STRA8: variants seen among roughly 807,000 people sequenced by gnomAD.
STRA8 encodes stimulated by retinoic acid 8, also known as stimulated by retinoic acid gene 8 protein homolog.
STRA8 carries 18 observed loss-of-function variants against 37.1 expected under a neutral mutation model. The observed-to-expected ratio is 0.48, with a 90% confidence interval of 0.34 to 0.72. The LOEUF is 0.72. Among genes scored for constraint, STRA8 ranks in the 30% least tolerant of loss-of-function variants. The pLI is 0.01. For missense variants in STRA8, 357 were observed against 410.4 expected (o/e 0.87, Z 1.13); for synonymous variants, 168 against 162.9 (o/e 1.03, Z -0.24).
chr7:135,250,408 G>T (rs147305542), intron 6 of STRA8, among the ~76,000 whole-genome samples: 129 of 152,310 alleles, frequency 8.5e-4, no homozygotes, highest in Non-Finnish European at 1.3e-3. Context: ...GGACACTGAA[G>T]CACAGGTCTT....
At position 135,245,414 on chromosome 7, in the gene STRA8, AGAAGAGGAGGAGGAGGAAGAGGAG is replaced by A. The variant is rs1381542483; in HGVS notation, c.489_512del (p.Glu171_Glu178del). On this transcript the variant is annotated inframe_deletion, in exon 5 of 9. Transcript: ENST00000662584. ...ATCAAGAAGAAGAGGAGGAGGAAGA[AGAAGAGGAGGAGGAGGAAGAGGAG>A]GAAGAGGAAGAGGAGGAGGAGGAAG... 6 of 690,050 alleles carry A rather than the reference AGAAGAGGAGGAGGAGGAAGAGGAG, an allele frequency of 8.7e-6. No homozygotes were observed. The highest frequency in any genetic ancestry group is 1.6e-5 in the Non-Finnish European group (6 of 376,110). The allele number at this position is 690,050 out of a possible 1,614,324, so 42.7% of individuals were successfully genotyped here. A position where few individuals can be genotyped will look rare whatever the true frequency, so the allele number is the denominator to read the frequency against.
At chr7:135,248,956 A>G (rs1832602786) in intron 6 of STRA8, among the ~76,000 whole-genome samples, 2 of 152,208 alleles carry the variant, frequency 1.3e-5, no homozygotes, top group South Asian at 4.1e-4. Context: ...GTTCTGTTCC[A>G]TGATGGCTCA....
chr7:135,246,473 C>A lies in STRA8; in HGVS notation c.650C>A (p.Thr217Asn), dbSNP rs1020198193. Residue 217 changes from threonine (T) to asparagine (N), a missense_variant, in exon 6 of 9, where the codon ACC becomes AAC. Coordinates refer to ENST00000662584, the MANE Select transcript of STRA8 (RefSeq NM_001394401.1). This position sits in a 1 kb window ranked among gnomAD's most constrained non-coding sequence, Gnocchi z 5.4. ...MDLLTGSGII[T>N]PQEAALPIVS... ...CTTCTGACTGGCAGCGGGATCATTA[C>A]CCCGCAGGAGGCGGCGCTGCCCATC... The A allele has an allele frequency of 6.3e-7, 1 of 1,594,600 alleles. No homozygotes were observed. The highest frequency in any genetic ancestry group is 8.5e-7 in the Non-Finnish European group (1 of 1,169,924).
chr7:135,240,116 T>C (rs1832438276), intron 1 of STRA8, among the ~76,000 whole-genome samples: 1 of 152,166 alleles, frequency 6.6e-6, no homozygotes, highest in Non-Finnish European at 1.5e-5. Context: ...TGGCCACGCG[T>C]AAAATTAACC....
upstream of STRA8, chr7:135,232,121 G>T: frequency 7.7e-7 from 1 of 1,297,810 alleles, no homozygotes; most frequent in South Asian, 1.2e-5. Context: ...GCAGTGGTTG[G>T]GGCGGGAGGT....
chr7:135,248,453 C>T (rs1383874919), intron 6 of STRA8, among the ~76,000 whole-genome samples: 1 of 152,114 alleles, frequency 6.6e-6, no homozygotes, highest in Non-Finnish European at 1.5e-5. Flanking sequence ...CCTGTAATCC[C>T]AGCACTTGGG....
intron 1 of STRA8, among the ~76,000 whole-genome samples, chr7:135,235,210 A>G (rs1832353091): frequency 6.6e-6 from 1 of 152,168 alleles, no homozygotes; most frequent in Non-Finnish European, 1.5e-5. Flanking sequence ...TGTTAGAGCT[A>G]TGGCCATTCT....
chr7:135,232,487 T>A (rs1832308135), upstream of STRA8, among the ~76,000 whole-genome samples: 1 of 151,758 alleles, frequency 6.6e-6, no homozygotes, highest in South Asian at 2.1e-4. Context: ...TACAAAAAAA[T>A]TAAAAATTAG....
chr7:135,234,094 G>C (rs6950831), intron 1 of STRA8, among the ~76,000 whole-genome samples, 191 bp downstream of exon 1: 1 of 147,762 alleles, frequency 6.8e-6, no homozygotes, highest in East Asian at 2.0e-4. Context: ...TGATGATGAT[G>C]ATGATGATGA....
rs772204864 is a variant in STRA8, at chr7:135,242,778, C to G, written c.193-3C>G. The stretch of plus-strand genomic sequence containing the variant: ...TTTCAGCATTGTCTCTGTCTATCCT[C>G]AGTGGCAGGTTCTGAATAAGGCAAA... On this transcript the variant is annotated splice_region_variant and splice_polypyrimidine_tract_variant and intron_variant, in intron 2 of 8. Coordinates refer to ENST00000662584, the MANE Select transcript of STRA8 (RefSeq NM_001394401.1). 6.2e-7 allele frequency: 1 copy of G among 1,614,086 alleles called. No homozygotes were observed. Among genetic ancestry groups the G allele is most frequent in the South Asian group, 1.1e-5 (1 of 91,080 alleles).
intron 7 of STRA8, among the ~76,000 whole-genome samples, chr7:135,254,031 A>G (rs780329583): frequency 1.4e-4 from 21 of 152,128 alleles, no homozygotes; most frequent in Non-Finnish European, 1.8e-4. Context: ...CCAGGCCTAG[A>G]TGGACTTGGG....
chr7:135,247,245 G>A (rs1205047515), intron 6 of STRA8: 1 of 152,546 alleles, frequency 6.6e-6, no homozygotes, highest in Non-Finnish European at 1.5e-5. Context: ...CAAGTCTTGA[G>A]AGGTTGTCTC....
intron 8 of STRA8, among the ~76,000 whole-genome samples, chr7:135,257,857 A>G (rs1002069320): frequency 6.6e-6 from 1 of 151,960 alleles, no homozygotes; most frequent in African/African-American, 2.4e-5. Flanking sequence ...CCTACCCCAT[A>G]CCCTCCCCCA....
intron 1 of STRA8, among the ~76,000 whole-genome samples, chr7:135,234,112 T>G (rs1414982721): frequency 1.3e-4 from 20 of 150,796 alleles, no homozygotes; most frequent in African/African-American, 4.9e-4. Flanking sequence ...TGATTATTAT[T>G]ATTATCATTT....
Position 135,242,841 on chromosome 7 carries a change from T to C in STRA8, c.253T>C (p.Leu85=), listed in dbSNP as rs761909012. The C allele has an allele frequency of 2.5e-6, 4 of 1,614,236 alleles. No homozygotes were observed. Among genetic ancestry groups the C allele is most frequent in the East Asian group, 2.2e-5 (1 of 44,894 alleles). ...IPELEQTLDN[L]LKLKASFNLE... Reference sequence around the variant, plus strand: ...AGAACTGGAGCAAACCCTGGATAATTTGCTGAAGCTGAAAGGTAATGGAGC... The same window carrying C: ...AGAACTGGAGCAAACCCTGGATAATCTGCTGAAGCTGAAAGGTAATGGAGC... Residue 85 remains leucine (L), a synonymous_variant, in exon 3 of 9, where the codon TTG becomes CTG. Coordinates refer to ENST00000662584, the MANE Select transcript of STRA8 (RefSeq NM_001394401.1).
chr7:135,243,114 C>G (rs1161412978), intron 3 of STRA8, among the ~76,000 whole-genome samples: 4 of 152,174 alleles, frequency 2.6e-5, no homozygotes, highest in Non-Finnish European at 4.4e-5. Context: ...GGCACCTGAT[C>G]TCATCTTCAG....
intron 6 of STRA8, among the ~76,000 whole-genome samples, chr7:135,250,477 C>G (rs1347483444): frequency 6.6e-6 from 1 of 152,046 alleles, no homozygotes; most frequent in Non-Finnish European, 1.5e-5. Flanking sequence ...AGTAGAAGGA[C>G]AACAGAAAAT....
chr7:135,243,317 C>T lies in STRA8; in HGVS notation c.269-9C>T. 3 of 1,614,002 alleles carry T rather than the reference C, an allele frequency of 1.9e-6. No individual in the cohort carries two copies. The highest frequency in any genetic ancestry group is 2.5e-6 in the Non-Finnish European group (3 of 1,179,898). ...CTCTTTGTGTTCCTGGTCTTCAACTCCCCAATAGCATCCTTCAACCTGGAA... is the reference window on the plus strand; with the variant it reads ...CTCTTTGTGTTCCTGGTCTTCAACTTCCCAATAGCATCCTTCAACCTGGAA... On this transcript the variant is annotated splice_polypyrimidine_tract_variant and intron_variant, in intron 3 of 8. Transcript: ENST00000662584.
At chr7:135,250,713 C>G (rs1023876427) in intron 6 of STRA8, among the ~76,000 whole-genome samples, 3 of 152,188 alleles carry the variant, frequency 2.0e-5, no homozygotes, top group Non-Finnish European at 4.4e-5. Context: ...AAGGAGATGT[C>G]AGTTAAAGTA....
Sources: allele counts gnomAD v4.1 joint callset (sites outside exome capture counted in the v4.1 genomes callset), GRCh38; gene constraint gnomAD v4.1.1; non-coding constraint Gnocchi (gnomAD v3.1); transcripts MANE v1.5; gene names NCBI Gene and HGNC (gene_info 2026-07-23, HGNC 2026-07-21).